The following SOX5 variants were observed in gnomAD, a reference collection of about 807,000 sequenced individuals.
The protein encoded by SOX5 is transcription factor SOX-5.
Under a neutral mutation model 92.0 loss-of-function variants are expected in SOX5, and 9 were observed. The observed-to-expected ratio is 0.10, with a 90% CI of 0.06 to 0.17. The LOEUF (loss-of-function observed/expected upper bound fraction) is 0.17. Among genes scored for constraint, SOX5 ranks in the 10% least tolerant of loss-of-function variants. The probability of loss-of-function intolerance (pLI) is 1.00; values close to 1 mark genes in which losing one functional copy is unlikely to be tolerated. For missense variants in SOX5, 642 were observed against 944.5 expected (o/e 0.68, Z 4.20); for synonymous variants, 344 against 336.3 (o/e 1.02, Z -0.25).
chr12:24,363,540 C>A (rs1447970342), intron 2 of SOX5, among the ~76,000 whole-genome samples: 3 of 152,092 alleles, frequency 2.0e-5, no homozygotes, highest in African/African-American at 7.2e-5. Flanking sequence ...GAATTTATAG[C>A]AATAACATTT....
intron 4 of SOX5, among the ~76,000 whole-genome samples, chr12:24,140,811 C>T (rs954628189): frequency 5.9e-5 from 9 of 152,074 alleles, no homozygotes; most frequent in African/African-American, 1.2e-4. Flanking sequence ...ATAGATATAA[C>T]GACAAAAACT....
At chr12:24,518,630 A>G (rs1950004363) in intron 1 of SOX5, among the ~76,000 whole-genome samples, 1 of 152,200 alleles carries the variant, frequency 6.6e-6, no homozygotes, top group South Asian at 2.1e-4. Context: ...TGTTATCATA[A>G]GCACTTTTGT....
intron 1 of SOX5, among the ~76,000 whole-genome samples, chr12:24,520,590 T>C (rs943884261): frequency 8.6e-5 from 13 of 151,362 alleles, no homozygotes; most frequent in Non-Finnish European, 1.8e-4. Context: ...ACAAAACAAC[T>C]GCAAGACAAG....
At chr12:23,616,363 C>T (rs1227558344) in intron 8 of SOX5, among the ~76,000 whole-genome samples, 1 of 152,184 alleles carries the variant, frequency 6.6e-6, no homozygotes, top group Non-Finnish European at 1.5e-5. Flanking sequence ...TCTCCTGCTG[C>T]TTCCCCAGTT....
chr12:23,955,394 G>A (rs1268619493), upstream of SOX5, among the ~76,000 whole-genome samples: 2 of 152,086 alleles, frequency 1.3e-5, no homozygotes, highest in African/African-American at 2.4e-5. Flanking sequence ...TACTCTTCAC[G>A]TAATTTGGCT....
chr12:24,418,085 G>A (rs558785724), intron 1 of SOX5, among the ~76,000 whole-genome samples: 9 of 148,078 alleles, frequency 6.1e-5, no homozygotes, highest in Non-Finnish European at 1.0e-4. Context: ...TCATATTGCC[G>A]TTTTTTTTTT....
At chr12:24,024,676 A>G (rs1954679514) in intron 4 of SOX5, among the ~76,000 whole-genome samples, 1 of 152,044 alleles carries the variant, frequency 6.6e-6, no homozygotes, top group African/African-American at 2.4e-5. Context: ...TATTGCACTC[A>G]CAAATGCTGT....
chr12:24,082,659 A>G (rs1427357120), intron 4 of SOX5, among the ~76,000 whole-genome samples: 1 of 151,752 alleles, frequency 6.6e-6, no homozygotes, highest in African/African-American at 2.4e-5. Flanking sequence ...GTTTCTATGG[A>G]TTTCTACAGA....
intron 1 of SOX5, among the ~76,000 whole-genome samples, chr12:24,449,191 C>A (rs1027027932): frequency 6.6e-6 from 1 of 152,166 alleles, no homozygotes; most frequent in Non-Finnish European, 1.5e-5. Flanking sequence ...CCTCCTTACC[C>A]CTTCTTACAA....
At chr12:24,493,233 G>C (rs9630247) in intron 1 of SOX5, among the ~76,000 whole-genome samples, 1 of 151,838 alleles carries the variant, frequency 6.6e-6, no homozygotes, top group East Asian at 1.9e-4. Flanking sequence ...ATTTGAAATC[G>C]CTGGTTAAAA....
At chr12:23,871,390 TA>T (rs2096870932) in intron 2 of SOX5, among the ~76,000 whole-genome samples, 1 of 152,162 alleles carries the variant, frequency 6.6e-6, no homozygotes, top group African/African-American at 2.4e-5. Context: ...TTCAAGCTAC[TA>T]AAGGATTGTG....
chr12:24,195,813 C>T (rs1956955901), intron 4 of SOX5, among the ~76,000 whole-genome samples: 1 of 152,030 alleles, frequency 6.6e-6, no homozygotes, highest in South Asian at 2.1e-4. Flanking sequence ...TAATTAAGAA[C>T]AACTTAATAC....
intron 3 of SOX5, among the ~76,000 whole-genome samples, chr12:24,217,742 C>T (rs1468197487): frequency 1.3e-5 from 2 of 152,172 alleles, no homozygotes; most frequent in Non-Finnish European, 2.9e-5. Flanking sequence ...AAATGATACA[C>T]TTGACCAGGG....
chr12:24,146,937 T>C (rs1283576358), intron 4 of SOX5, among the ~76,000 whole-genome samples: 1 of 152,070 alleles, frequency 6.6e-6, no homozygotes, highest in African/African-American at 2.4e-5. Context: ...TAAGAATAAA[T>C]AGATAACACA....
At chr12:24,146,752 A>G (rs1348981693) in intron 4 of SOX5, among the ~76,000 whole-genome samples, 1 of 151,156 alleles carries the variant, frequency 6.6e-6, no homozygotes, top group Non-Finnish European at 1.5e-5. Flanking sequence ...AAAAAAAAAA[A>G]GGAGAGAAGA....
chr12:24,554,087 G>A (rs1168870095), intron 1 of SOX5, among the ~76,000 whole-genome samples: 1 of 152,194 alleles, frequency 6.6e-6, no homozygotes, highest in Non-Finnish European at 1.5e-5. Context: ...ACATATGAAA[G>A]AATGCCAATG....
intron 3 of SOX5, among the ~76,000 whole-genome samples, chr12:24,216,219 T>C (rs199955142): frequency 4.0e-4 from 61 of 152,036 alleles, no homozygotes; most frequent in Middle Eastern, 3.4e-3. Context: ...CGCGGTGGCT[T>C]ACGCCTGTAA....
At chr12:23,789,339 T>A (rs948281744) in intron 3 of SOX5, among the ~76,000 whole-genome samples, 1 of 152,038 alleles carries the variant, frequency 6.6e-6, no homozygotes, top group Non-Finnish European at 1.5e-5. Context: ...GCCAACAATA[T>A]CCAAGGAACA....
chr12:23,584,432 T>C, intron 9 of SOX5: 1 of 840,704 alleles, frequency 1.2e-6, no homozygotes, highest in Non-Finnish European at 2.0e-6. Context: ...ATAGGCCATC[T>C]TTAGATAACA....
Sources: allele counts gnomAD v4.1 joint callset (sites outside exome capture counted in the v4.1 genomes callset), GRCh38; gene constraint gnomAD v4.1.1; transcripts MANE v1.5; gene names NCBI Gene and HGNC (gene_info 2026-07-23, HGNC 2026-07-21).